PUDP: variants seen among roughly 807,000 people sequenced by gnomAD.
PUDP encodes pseudouridine 5'-phosphatase.
PUDP carries 8 observed loss-of-function variants against 9.4 expected under a neutral mutation model. The observed-to-expected ratio is 0.85, with a 90% CI of 0.50 to 1.53. The LOEUF (loss-of-function observed/expected upper bound fraction) is 1.53, where lower values mean the gene tolerates loss of function less well. Among genes scored for constraint, PUDP ranks in the 40% most tolerant of loss-of-function variants. The pLI is 0.00. For synonymous variants in PUDP, 99 were observed against 80.7 expected, an observed-to-expected ratio of 1.23 and a Z score of -1.22; for missense variants, 188 against 189.7, an observed-to-expected ratio of 0.99 and a Z score of 0.05.
At chrX:6,721,332 T>G (rs913989405) in intron 1 of PUDP, 1 of 111,800 alleles carries the variant, frequency 8.9e-6, no homozygotes, top group Non-Finnish European at 1.9e-5. Context: ...CCAAGTGAGG[T>G]GAAGGTGTTA....
chrX:6,789,028 G>A (rs111314072), intron 3 of PUDP, among the ~76,000 whole-genome samples: 53,681 of 110,322 alleles, frequency 0.49, 10,110 homozygotes, highest in Non-Finnish European at 0.59. Flanking sequence ...GGTGGCTCAC[G>A]CCTGTAATCC....
intron 3 of PUDP, among the ~76,000 whole-genome samples, chrX:6,796,414 C>T (rs1925844380): frequency 8.9e-6 from 1 of 111,909 alleles, no homozygotes; most frequent in Middle Eastern, 4.6e-3. Flanking sequence ...AATCAAATTA[C>T]GGCTGAGGAA....
chrX:6,941,950 CAG>C (rs1928405643), intron 3 of PUDP, among the ~76,000 whole-genome samples: 1 of 111,608 alleles, frequency 9.0e-6, no homozygotes, highest in Admixed American at 9.6e-5. Flanking sequence ...AACTCAGAAA[CAG>C]AAAGTCAAAT....
intron 1 of PUDP, among the ~76,000 whole-genome samples, chrX:6,991,305 T>C (rs1024803690): frequency 9.0e-6 from 1 of 111,532 alleles, no homozygotes; most frequent in African/African-American, 3.3e-5. Flanking sequence ...AAATGCCTTG[T>C]TTGTGATCAC....
At chrX:7,031,922 C>T (rs777100959) in intron 1 of PUDP, among the ~76,000 whole-genome samples, 2 of 112,091 alleles carry the variant, frequency 1.8e-5, no homozygotes, top group East Asian at 5.6e-4. Context: ...ATAAATTGTG[C>T]TTCATCAAAA....
intron 1 of PUDP, among the ~76,000 whole-genome samples, chrX:7,108,268 G>A (rs1931943329): frequency 8.9e-6 from 1 of 112,357 alleles, no homozygotes; most frequent in African/African-American, 3.2e-5. Context: ...GGCTGCCACG[G>A]TGTGGACTTT....
rs149340763 is a variant in PUDP, at chrX:6,740,215, G to A, written c.*248-33749C>T. 4.1e-3 allele frequency among the ~76,000 whole-genome samples: 463 copies of A among 111,646 alleles called. 2 individuals carry two copies. The highest frequency in any genetic ancestry group is 5.8e-3 in the Non-Finnish European group (310 of 53,207). ...CAAGTAATAATTTTTGTGAAATGCA[G>A]CACTGGTGTTTGTTATTTTATTTTA... On this transcript the variant is annotated intron_variant and NMD_transcript_variant, in intron 3 of 3. Transcript: ENST00000655425.
chrX:6,946,422 C>T (rs953144430), intron 3 of PUDP, among the ~76,000 whole-genome samples: 10 of 112,327 alleles, frequency 8.9e-5, no homozygotes, highest in Admixed American at 2.8e-4. Context: ...CTTCTGGCCA[C>T]AGGCTACATT....
intron 1 of PUDP, among the ~76,000 whole-genome samples, chrX:7,029,712 C>G (rs1929767082): frequency 8.9e-6 from 1 of 111,906 alleles, no homozygotes; most frequent in Non-Finnish European, 1.9e-5. Flanking sequence ...TGGGGATAAC[C>G]TGTTCATTGC....
intron 3 of PUDP, among the ~76,000 whole-genome samples, chrX:6,917,604 G>A (rs1927955820): frequency 8.9e-6 from 1 of 111,904 alleles, no homozygotes; most frequent in South Asian, 3.7e-4. Flanking sequence ...GGATTTATGA[G>A]TTATAATTCT....
intron 3 of PUDP, among the ~76,000 whole-genome samples, chrX:6,819,768 T>TAGTTTGAGGTGAGCTGCAGATGAGGTGC (rs1300385261): frequency 9.0e-6 from 1 of 111,561 alleles, no homozygotes; most frequent in African/African-American, 3.3e-5. Flanking sequence ...AGATGAGGTG[T>TAGTTTGAGGTGAGCTGCAGATGAGGTGC]AGTTTGAGGT....
chrX:6,946,291 G>A (rs758366138), intron 3 of PUDP, among the ~76,000 whole-genome samples: 12 of 111,368 alleles, frequency 1.1e-4, no homozygotes, highest in Non-Finnish European at 1.7e-4. Flanking sequence ...AAATACACAC[G>A]TTTCTTCTTT....
chrX:6,783,738 T>A (rs1156390490), intron 3 of PUDP, among the ~76,000 whole-genome samples: 1 of 111,887 alleles, frequency 8.9e-6, no homozygotes, highest in African/African-American at 3.2e-5. Context: ...CAGCTATTTA[T>A]AAAGAGAGAG....
intron 3 of PUDP, among the ~76,000 whole-genome samples, chrX:6,804,352 ACAGTT>A (rs1307392809): frequency 7.6e-4 from 85 of 112,093 alleles, no homozygotes; most frequent in African/African-American, 2.4e-3. Context: ...ACTTGTAGAT[ACAGTT>A]CTACTCTGTG....
At chrX:6,930,142 TG>T (rs111322785) in intron 3 of PUDP, among the ~76,000 whole-genome samples, 1 of 109,630 alleles carries the variant, frequency 9.1e-6, no homozygotes, top group Admixed American at 9.7e-5. Context: ...AAAGACAAGG[TG>T]GGGGGGTGTT....
At chrX:6,889,064 G>A (rs540021590) in intron 3 of PUDP, among the ~76,000 whole-genome samples, 1 of 111,988 alleles carries the variant, frequency 8.9e-6, no homozygotes, top group African/African-American at 3.2e-5. Context: ...TAAACATGAC[G>A]TACTGAGCTA....
At chrX:6,841,582 G>C (rs1450087381) in intron 3 of PUDP, among the ~76,000 whole-genome samples, 1 of 110,973 alleles carries the variant, frequency 9.0e-6, no homozygotes, top group Admixed American at 9.6e-5. Context: ...GCTTGGGTGA[G>C]AGTGAGATCC....
chrX:7,011,802 T>A (rs1929480932), intron 1 of PUDP, among the ~76,000 whole-genome samples: 1 of 112,239 alleles, frequency 8.9e-6, no homozygotes, highest in Non-Finnish European at 1.9e-5. Flanking sequence ...GCTTGAGAAC[T>A]AAACACAATT....
intron 3 of PUDP, among the ~76,000 whole-genome samples, chrX:6,735,879 A>T (rs1485987921): frequency 1.9e-5 from 2 of 104,808 alleles, no homozygotes; most frequent in South Asian, 4.1e-4. Context: ...ACTAAAAATT[A>T]AAAAAAAAAA....
Sources: allele counts gnomAD v4.1 joint callset (sites outside exome capture counted in the v4.1 genomes callset), GRCh38; gene constraint gnomAD v4.1.1; transcripts MANE v1.5; gene names NCBI Gene and HGNC (gene_info 2026-07-23, HGNC 2026-07-21).